COL7A1: variants seen among roughly 807,000 people sequenced by gnomAD.
COL7A1 encodes collagen alpha-1(VII) chain.
Under a neutral mutation model 456.2 loss-of-function variants are expected in COL7A1, and 296 were observed. The observed-to-expected ratio is 0.65, with a 90% CI of 0.59 to 0.71. The LOEUF (loss-of-function observed/expected upper bound fraction) is 0.71. COL7A1 is among the 30% of genes least tolerant of loss of function. The pLI, the probability that COL7A1 is intolerant of heterozygous loss-of-function variation, is 0.00. For missense variants in COL7A1, 3,441 were observed against 4,017.2 expected, an observed-to-expected ratio of 0.86 and a Z score of 3.88; for synonymous variants, 1,464 against 1,525.9, an observed-to-expected ratio of 0.96 and a Z score of 0.95.
In COL7A1 at chr3:48,564,181, C is replaced by A; in HGVS notation, c.*225G>T. 1 of 627,972 alleles carries A rather than the reference C, an allele frequency of 1.6e-6. No individual in the cohort carries two copies. The highest frequency in any genetic ancestry group is 2.9e-6 in the Non-Finnish European group (1 of 345,216). The allele number at this position is 627,972 out of a possible 1,614,324, so 38.9% of individuals were successfully genotyped here. A position where few individuals can be genotyped will look rare whatever the true frequency, so the allele number is the denominator to read the frequency against. Reference sequence around the variant, plus strand: ...AGTCACATCCGCTCACTGCCCACAGCCACCCCCCCACAGTGAGTCATCTGC... The same window carrying A: ...AGTCACATCCGCTCACTGCCCACAGACACCCCCCCACAGTGAGTCATCTGC... On this transcript the variant is annotated 3_prime_UTR_variant, in exon 119 of 119. Transcript: ENST00000681320. The surrounding 1 kb of genome is among the most constrained non-coding windows in gnomAD (Gnocchi z 6.0).
rs774757776 is a variant in COL7A1, at chr3:48,564,445, G to A, written c.8819-23C>T. On this transcript the variant is annotated intron_variant, in intron 118 of 118. Transcript: ENST00000681320. This position sits in a 1 kb window ranked among gnomAD's most constrained non-coding sequence, Gnocchi z 6.0. ...TACCTGGTGAGGACAGGTTGGAAAC[G>A]GTCGTCAGCCATCTGACCTTCCCCG... 4.3e-6 allele frequency: 7 copies of A among 1,613,678 alleles called. No individual in the cohort carries two copies. Among genetic ancestry groups the A allele is most frequent in the Non-Finnish European group, 5.1e-6 (6 of 1,179,866 alleles).
At chr3:48,576,158 A>G (rs909544796) in intron 71 of COL7A1, 91 bp downstream of exon 71, 8 of 1,579,266 alleles carry the variant, frequency 5.1e-6, no homozygotes, top group African/African-American at 1.3e-5. Context: ...CACAGAACCT[A>G]TGGAGCCTCA....
At position 48,578,690 on chromosome 3, in the gene COL7A1, C is replaced by A. The variant is rs1305651798; in HGVS notation, c.5425-175G>T. On this transcript the variant is annotated intron_variant, in intron 63 of 118. Coordinates refer to ENST00000681320, the MANE Select transcript of COL7A1 (RefSeq NM_000094.4). This position sits in a 1 kb window ranked among gnomAD's most constrained non-coding sequence, Gnocchi z 4.7. ...CCATGGATGGGGGCCCCTGCTGAGA[C>A]TCCCAAGGGAAGAACCCCCAGGACT... 1.3e-5 allele frequency among the ~76,000 whole-genome samples: 2 copies of A among 152,194 alleles called. No individual in the cohort carries two copies. Among genetic ancestry groups the A allele is most frequent in the Admixed American group, 6.5e-5 (1 of 15,288 alleles).
rs965327916 is a variant in COL7A1, at chr3:48,565,558, C to G, written c.8441-62G>C. The G allele has an allele frequency of 8.7e-6, 14 of 1,613,830 alleles. No homozygotes were observed. The highest frequency in any genetic ancestry group is 1.3e-5 in the African/African-American group (1 of 75,026). On this transcript the variant is annotated intron_variant, in intron 115 of 118. Transcript: ENST00000681320. The surrounding 1 kb of genome is among the most constrained non-coding windows in gnomAD (Gnocchi z 4.5). ...CACCATGGGCAGCCATCCCAGCCAA[C>G]CCCCCTGAGAGGACCCCAGTTGATA...
chr3:48,579,731 C>T lies in COL7A1; in HGVS notation c.5154+54G>A, dbSNP rs1029060819. On this transcript the variant is annotated intron_variant, in intron 58 of 118. Coordinates refer to ENST00000681320, the MANE Select transcript of COL7A1 (RefSeq NM_000094.4). The surrounding 1 kb of genome is among the most constrained non-coding windows in gnomAD (Gnocchi z 4.4). Reference sequence around the variant, plus strand: ...AGCCAAGCCATGCCCAAGGTAGAACCTGCTGGGAGGGGCACTGGGGTCTTT... The same window carrying T: ...AGCCAAGCCATGCCCAAGGTAGAACTTGCTGGGAGGGGCACTGGGGTCTTT... The T allele has an allele frequency of 2.4e-5, 38 of 1,613,806 alleles. No homozygotes were observed. The highest frequency in any genetic ancestry group is 1.6e-4 in the Middle Eastern group (1 of 6,084).
In COL7A1 at chr3:48,587,138, G is replaced by C; in HGVS notation, c.3140-30C>G. 1 of 1,613,346 alleles carries C rather than the reference G, an allele frequency of 6.2e-7. No homozygotes were observed. Among genetic ancestry groups the C allele is most frequent in the Non-Finnish European group, 8.5e-7 (1 of 1,179,838 alleles). ...AGGAAGGGGAACAAGTTACTGAAGC[G>C]GGCAGCCCACCCAGACACACCTTTC... On this transcript the variant is annotated intron_variant, in intron 24 of 118. Transcript: ENST00000681320. This position sits in a 1 kb window ranked among gnomAD's most constrained non-coding sequence, Gnocchi z 6.1.
chr3:48,595,211 C>A (rs1352026959), intron 1 of COL7A1, 51 bp from the exon 2 acceptor site: 2 of 1,490,974 alleles, frequency 1.3e-6, no homozygotes, highest in South Asian at 2.4e-5. Flanking sequence ...CCCTTGCTCC[C>A]CCGTGGCCTT....
rs774664199 is a variant in COL7A1 at position 48,569,575 on chromosome 3, C to T, written c.7614+17G>A. The T allele has an allele frequency of 1.9e-6, 3 of 1,613,728 alleles. No individual in the cohort carries two copies. The highest frequency in any genetic ancestry group is 1.7e-4 in the Middle Eastern group (1 of 5,994). On this transcript the variant is annotated intron_variant, in intron 102 of 118. Transcript: ENST00000681320. This position sits in a 1 kb window ranked among gnomAD's most constrained non-coding sequence, Gnocchi z 4.9. The stretch of plus-strand genomic sequence containing the variant: ...TCGCACCCAGGGGAGACCCAGTCCA[C>T]ACGTGGGCCCACTCACCATGTCCCC...
Position 48,584,332 on chromosome 3 carries a change from C to T in COL7A1, c.4163G>A (p.Arg1388His), listed in dbSNP as rs142560414. 2.9e-5 allele frequency: 47 copies of T among 1,612,886 alleles called. No individual in the cohort carries two copies. The African/African-American group carries it at 3.3e-4, about 11-fold the overall frequency. ...TGTTCCAGGAAGCCCTGGGGGGCCA[C>T]GGGGTCCTGGGTCCCCCAGTGGTCC... ...PRGPLGDPGPRGPPGLPGTAM... is the reference protein window; with the variant it reads ...PRGPLGDPGPHGPPGLPGTAM... The change falls in exon 37 of 119, where the codon CGT becomes CAT. Residue 1388 changes from arginine to histidine, a missense_variant. Transcript: ENST00000681320.
intron 65 of COL7A1, among the ~76,000 whole-genome samples, chr3:48,577,821 C>T (rs565997896): frequency 6.6e-5 from 10 of 152,282 alleles, no homozygotes; most frequent in African/African-American, 2.4e-4. Flanking sequence ...ATAAATTGGC[C>T]CATTCACCTA....
At position 48,591,718 on chromosome 3, in the gene COL7A1, G is replaced by T; in HGVS notation, c.1462C>A (p.Leu488Met). 6.2e-7 allele frequency: 1 copy of T among 1,614,180 alleles called. No individual in the cohort carries two copies. ...GGGGTGGCCACCTCGTGGCCCTCCA[G>T]CAGAGTGTAGAGTGTGAGGCGGTAC... ...TEYRLTLYTL[L>M]EGHEVATPAT... is the part of the protein sequence containing the mutation. Residue 488 changes from leucine to methionine, a missense_variant, in exon 12 of 119, where the codon CTG becomes ATG. By Grantham distance (15) the Leu-to-Met change is conservative. Transcript: ENST00000681320. The surrounding 1 kb of genome is among the most constrained non-coding windows in gnomAD (Gnocchi z 7.0).
rs775172335 is a variant in COL7A1, at chr3:48,580,564, C to T, written c.5052+17G>A. 4 of 1,612,974 alleles carry T rather than the reference C, an allele frequency of 2.5e-6. No individual in the cohort carries two copies. Among genetic ancestry groups the T allele is most frequent in the Middle Eastern group, 1.7e-4 (1 of 6,060 alleles). On this transcript the variant is annotated intron_variant, in intron 55 of 118. Transcript: ENST00000681320. The surrounding 1 kb of genome is among the most constrained non-coding windows in gnomAD (Gnocchi z 4.5). ...GAGGGTTAAGGTTGGGGTGAGGAGT[C>T]ATAGGCTGGGACTCACATTTCGTCC... is the stretch of plus-strand genomic sequence containing the variant.
In COL7A1 at chr3:48,566,278, C is replaced by G; in HGVS notation, c.8396G>C (p.Ser2799Thr). The G allele has an allele frequency of 6.2e-7, 1 of 1,602,052 alleles. No homozygotes were observed. Among genetic ancestry groups the G allele is most frequent in the Non-Finnish European group, 8.5e-7 (1 of 1,175,288 alleles). The stretch of plus-strand genomic sequence containing the variant: ...TGGGCACCACTCACCACAGTGCTGA[C>G]TCATCTCTTGGCGCACAAAGCCCCG... ...DIRGFVRQEM[S>T]QHCACQGQFI... Residue 2799 changes from serine (S) to threonine (T), a missense_variant, in exon 114 of 119, where the codon AGT becomes ACT. Around this residue, in one of 3 missense-constraint regions of COL7A1, gnomAD observed 2,084 missense variants for 2,501.3 expected, o/e 0.83. Transcript: ENST00000681320. This position sits in a 1 kb window ranked among gnomAD's most constrained non-coding sequence, Gnocchi z 5.9.
In COL7A1 at chr3:48,588,377, G is replaced by A. The variant is rs761872531; in HGVS notation, c.2615C>T (p.Thr872Met). The change falls in exon 21 of 119, where the codon ACG (threonine) becomes ATG (methionine). Residue 872 changes from threonine (T) to methionine (M), a missense_variant. This residue lies in a region of COL7A1 where 444 missense variants were observed against 427.6 expected (regional missense o/e 1.04). Transcript: ENST00000681320. This position sits in a 1 kb window ranked among gnomAD's most constrained non-coding sequence, Gnocchi z 4.6. The stretch of plus-strand genomic sequence containing the variant: ...CTCCCCGCGCTGCACCACGTGAAGC[G>A]TCCCCAGGGCTGGCGGAGCCTCAGG... ...TPPEAPPALGTLHVVQRGEHS... is the reference protein window; with the variant it reads ...TPPEAPPALGMLHVVQRGEHS... 1.2e-5 allele frequency: 20 copies of A among 1,611,586 alleles called. No individual in the cohort carries two copies. The highest frequency in any genetic ancestry group is 5.3e-5 in the African/African-American group (4 of 74,908).
chr3:48,583,228 A>T lies in COL7A1; in HGVS notation c.4438-57T>A, dbSNP rs2044913629. On this transcript the variant is annotated intron_variant, in intron 42 of 118. Coordinates refer to ENST00000681320, the MANE Select transcript of COL7A1 (RefSeq NM_000094.4). The surrounding 1 kb of genome is among the most constrained non-coding windows in gnomAD (Gnocchi z 5.1). ...GAGAGAGGGTTGGTGGCGGGGCTTG[A>T]ACGTCAAACCCCAGACAAGGGGTCC... 2 of 1,609,264 alleles carry T rather than the reference A, an allele frequency of 1.2e-6. No individual in the cohort carries two copies. The highest frequency in any genetic ancestry group is 1.7e-6 in the Non-Finnish European group (2 of 1,177,810).
chr3:48,564,563 C>G lies in COL7A1; in HGVS notation c.8819-141G>C. On this transcript the variant is annotated intron_variant, in intron 118 of 118. Transcript: ENST00000681320. This position sits in a 1 kb window ranked among gnomAD's most constrained non-coding sequence, Gnocchi z 6.0. ...ACCTCAGAGGGGTCCATACTTAGGT[C>G]TTTAAAGGAGGGAACATGGAAGGGG... 8.9e-7 allele frequency: 1 copy of G among 1,126,632 alleles called. No individual in the cohort carries two copies. The highest frequency in any genetic ancestry group is 1.3e-5 in the South Asian group (1 of 75,630). The allele number at this position is 1,126,632 out of a possible 1,614,324, so 69.8% of individuals were successfully genotyped here. A position where few individuals can be genotyped will look rare whatever the true frequency, so the allele number is the denominator to read the frequency against.
rs200551525 is a variant in COL7A1, at chr3:48,575,654, G to A, written c.5951C>T (p.Ser1984Leu). ...CTTGCCTGGGGGGCCCTGTTCGCCT[G>A]AGTCCCCCTTGGGGCCTCGACGCCG... ...PERRRGPKGD[S>L]GEQGPPGKEG... Residue 1984 changes from serine to leucine, a missense_variant, in exon 73 of 119, where the codon TCA becomes TTA. Physicochemically the swap from Ser to Leu is moderately radical, Grantham distance 145. Transcript: ENST00000681320. This position sits in a 1 kb window ranked among gnomAD's most constrained non-coding sequence, Gnocchi z 6.3. 94 of 1,613,528 alleles carry A rather than the reference G, an allele frequency of 5.8e-5. No individual in the cohort carries two copies. Among genetic ancestry groups the A allele is most frequent in the Admixed American group, 1.7e-4 (10 of 60,024 alleles).
Position 48,569,468 on chromosome 3 carries a change from G to C in COL7A1, c.7615-22C>G, listed in dbSNP as rs1273878059. 6.2e-7 allele frequency: 1 copy of C among 1,614,164 alleles called. No individual in the cohort carries two copies. The highest frequency in any genetic ancestry group is 1.7e-5 in the Admixed American group (1 of 60,032). ...CACCCTGGGTTGGTTTGGGTAAGAA[G>C]TCACGGTAAGGGGCTGAAGGTCCCT... On this transcript the variant is annotated intron_variant, in intron 102 of 118. Coordinates refer to ENST00000681320, the MANE Select transcript of COL7A1 (RefSeq NM_000094.4). This position sits in a 1 kb window ranked among gnomAD's most constrained non-coding sequence, Gnocchi z 4.9.
Position 48,571,373 on chromosome 3 carries a change from G to A in COL7A1, c.7069-95C>T, listed in dbSNP as rs1338652957. On this transcript the variant is annotated intron_variant, in intron 92 of 118. Coordinates refer to ENST00000681320, the MANE Select transcript of COL7A1 (RefSeq NM_000094.4). This position sits in a 1 kb window ranked among gnomAD's most constrained non-coding sequence, Gnocchi z 4.6. Reference sequence around the variant, plus strand: ...AATATTCCCAGGGGAGTTCTGATGTGACCATGAACACATGGGAACTCAGAC... The same window carrying A: ...AATATTCCCAGGGGAGTTCTGATGTAACCATGAACACATGGGAACTCAGAC... 1 of 1,481,622 alleles carries A rather than the reference G, an allele frequency of 6.7e-7. No homozygotes were observed. Among genetic ancestry groups the A allele is most frequent in the South Asian group, 1.2e-5 (1 of 86,412 alleles). The allele number at this position is 1,481,622 out of a possible 1,614,324, so 91.8% of individuals were successfully genotyped here.
Sources: gnomAD v4.1 joint callset for allele counts (sites outside exome capture counted in the v4.1 genomes callset) on GRCh38, gnomAD v4.1.1 for gene constraint, gnomAD v4.1.1 regional missense constraint, Gnocchi (gnomAD v3.1) non-coding constraint, MANE v1.5 for transcripts, NCBI Gene and HGNC (gene_info 2026-07-23, HGNC 2026-07-21) for gene names.